Variants in SLC24A2 observed in about 807,000 individuals in gnomAD.
SLC24A2 encodes solute carrier family 24 member 2, also known as sodium/potassium/calcium exchanger 2.
Under a neutral mutation model 62.0 loss-of-function variants are expected in SLC24A2, and 36 were observed. The observed-to-expected ratio is 0.58, with a 90% CI of 0.44 to 0.77. The LOEUF (loss-of-function observed/expected upper bound fraction) is 0.77, where lower values mean the gene tolerates loss of function less well. Ranked by LOEUF, SLC24A2 falls within the 30% of genes least tolerant of loss-of-function variation. SLC24A2 has a pLI of 0.00. For missense variants in SLC24A2, 846 were observed against 817.9 expected (o/e 1.03, Z -0.42); for synonymous variants, 358 against 294.0 (o/e 1.22, Z -2.23).
the SLC24A2 span, among the ~76,000 whole-genome samples, chr9:20,257,715 A>G: frequency 2.6e-5 from 4 of 152,338 alleles, no homozygotes; most frequent in East Asian, 7.7e-4. Flanking sequence ...ATGAGAGCAA[A>G]AGTACCCAAT....
the SLC24A2 span, among the ~76,000 whole-genome samples, chr9:19,945,854 C>T: frequency 6.6e-6 from 1 of 152,198 alleles, no homozygotes; most frequent in African/African-American, 2.4e-5. Flanking sequence ...GGGACTTGGG[C>T]ACCAAGGAAA....
chr9:20,213,630 G>T, the SLC24A2 span, among the ~76,000 whole-genome samples: 2 of 152,082 alleles, frequency 1.3e-5, no homozygotes, highest in East Asian at 3.8e-4. Context: ...CCACAGCCAT[G>T]GAGCTTTTTA....
chr9:20,048,394 T>A, the SLC24A2 span, among the ~76,000 whole-genome samples: 1 of 152,232 alleles, frequency 6.6e-6, no homozygotes, highest in Admixed American at 6.5e-5. Context: ...CATATGTATG[T>A]GATCAAATCT....
the SLC24A2 span, among the ~76,000 whole-genome samples, chr9:19,959,047 CT>C: frequency 3.3e-5 from 5 of 151,950 alleles, no homozygotes; most frequent in African/African-American, 1.2e-4. Context: ...GTTCTATGGC[CT>C]TTTTTCCCTA....
At chr9:20,225,292 A>G in the SLC24A2 span, among the ~76,000 whole-genome samples, 1 of 151,730 alleles carries the variant, frequency 6.6e-6, no homozygotes. Flanking sequence ...AACAATGCAC[A>G]TTGTTGTGGC....
the SLC24A2 span, chr9:19,957,366 C>T: frequency 1.1e-4 from 16 of 152,170 alleles, no homozygotes; most frequent in Non-Finnish European, 2.4e-4. Flanking sequence ...ATAGAAAGAG[C>T]TCTAGAATCC....
chr9:20,245,767 TAGTC>T, the SLC24A2 span, among the ~76,000 whole-genome samples: 8 of 152,218 alleles, frequency 5.3e-5, no homozygotes, highest in East Asian at 1.9e-4. Flanking sequence ...AAGTTTAACT[TAGTC>T]AGAAGAGCAC....
intron 2 of SLC24A2, among the ~76,000 whole-genome samples, chr9:19,729,422 A>G (rs144179960): frequency 6.6e-6 from 1 of 152,312 alleles, no homozygotes; most frequent in East Asian, 1.9e-4. Context: ...TGCACTCCAT[A>G]TTTATTGCAG....
At chr9:19,554,511 C>T (rs1834988300) in intron 7 of SLC24A2, among the ~76,000 whole-genome samples, 1 of 152,136 alleles carries the variant, frequency 6.6e-6, no homozygotes. Context: ...CCACGGATAG[C>T]AAGGGATGAC....
At chr9:20,053,295 G>A in the SLC24A2 span, among the ~76,000 whole-genome samples, 1 of 152,006 alleles carries the variant, frequency 6.6e-6, no homozygotes. Context: ...CTCCTTGGAG[G>A]GCTATATAAC....
At chr9:19,636,377 TTCTTTCTTTCTCCCTCTCTCTCTCTCTC>T (rs1818349025) in intron 2 of SLC24A2, among the ~76,000 whole-genome samples, 1 of 24,206 alleles carries the variant, frequency 4.1e-5, no homozygotes, top group East Asian at 9.1e-4. Context: ...CTTTCTTTCT[TTCTTTCTTTCTCCCTCTCTCTCTCTCTC>T]TCTTTCTTTC....
the SLC24A2 span, among the ~76,000 whole-genome samples, chr9:20,259,887 G>A: frequency 2.0e-5 from 3 of 152,140 alleles, no homozygotes; most frequent in Non-Finnish European, 4.4e-5. Context: ...CCAGGAGTTT[G>A]AGACCAGCCT....
chr9:20,149,951 T>C, the SLC24A2 span, among the ~76,000 whole-genome samples: 10 of 152,046 alleles, frequency 6.6e-5, no homozygotes, highest in African/African-American at 2.2e-4. Flanking sequence ...TTCTCTGTTC[T>C]TTCCCTAGGA....
At chr9:19,771,730 T>C (rs976894301) in intron 2 of SLC24A2, among the ~76,000 whole-genome samples, 12 of 152,216 alleles carry the variant, frequency 7.9e-5, no homozygotes, top group Admixed American at 3.9e-4. Flanking sequence ...TAAGTTCTCT[T>C]TGCCCTCGGA....
At chr9:19,787,495 T>C (rs550588695) in intron 1 of SLC24A2, among the ~76,000 whole-genome samples, 1 of 152,362 alleles carries the variant, frequency 6.6e-6, no homozygotes, top group Admixed American at 6.5e-5. Flanking sequence ...TAATTCTCAG[T>C]TGTAGGCAAC....
chr9:19,910,232 C>T, the SLC24A2 span, among the ~76,000 whole-genome samples: 1 of 152,074 alleles, frequency 6.6e-6, no homozygotes, highest in Non-Finnish European at 1.5e-5. Context: ...AAGCCAAAAA[C>T]CTAGGAGCTC....
chr9:20,068,175 G>C, the SLC24A2 span, among the ~76,000 whole-genome samples: 1 of 145,142 alleles, frequency 6.9e-6, no homozygotes, highest in Non-Finnish European at 1.5e-5. Flanking sequence ...GCAATTATCT[G>C]CCTCCATCTC....
chr9:20,103,634 G>C, the SLC24A2 span, among the ~76,000 whole-genome samples: 2 of 152,312 alleles, frequency 1.3e-5, no homozygotes, highest in Non-Finnish European at 2.9e-5. Context: ...CTGGAGCTGA[G>C]GGTCCTGTCT....
the SLC24A2 span, among the ~76,000 whole-genome samples, chr9:20,237,508 G>A: frequency 6.6e-6 from 1 of 152,174 alleles, no homozygotes; most frequent in African/African-American, 2.4e-5. Context: ...AGGGAAAGAA[G>A]AAAGGAAGAA....
Sources: allele counts gnomAD v4.1 joint callset (sites outside exome capture counted in the v4.1 genomes callset), GRCh38; gene constraint gnomAD v4.1.1; transcripts MANE v1.5; gene names NCBI Gene and HGNC (gene_info 2026-07-23, HGNC 2026-07-21).